Variants in DISC1 observed in about 807,000 individuals in gnomAD.
DISC1 encodes the protein disrupted in schizophrenia 1 protein.
In DISC1, 57 loss-of-function variants were observed where a neutral mutation model predicts 84.5. The observed-to-expected ratio is 0.67, with a 90% confidence interval of 0.55 to 0.84. The LOEUF is 0.84. Ranked by LOEUF, DISC1 falls within the 40% of genes least tolerant of loss-of-function variation. The pLI is 0.00. For missense variants in DISC1, 1,000 were observed against 1,057.8 expected (o/e 0.95, Z 0.76); for synonymous variants, 411 against 415.2 (o/e 0.99, Z 0.12).
intron 9 of DISC1, among the ~76,000 whole-genome samples, chr1:231,925,501 G>T (rs1273664214): frequency 6.6e-6 from 1 of 152,126 alleles, no homozygotes; most frequent in African/African-American, 2.4e-5. Flanking sequence ...GATGACCTCA[G>T]AGCTTCCCCT....
At chr1:231,794,846 T>C (rs115115172) in intron 6 of DISC1, among the ~76,000 whole-genome samples, 1,531 of 152,264 alleles carry the variant, frequency 0.01, 26 homozygotes, top group African/African-American at 0.034. Flanking sequence ...CTGAATTGCA[T>C]TGTCTACCCA....
intron 9 of DISC1, among the ~76,000 whole-genome samples, chr1:231,875,492 C>A (rs2085814550): frequency 6.6e-6 from 1 of 152,162 alleles, no homozygotes. Context: ...TATTGACCAC[C>A]CCTTGGGTAC....
chr1:232,008,861 C>T lies in DISC1; in HGVS notation c.2119C>T (p.Leu707Phe). ...ACRLLIQSLQ[L>F]QEARGSLSVE... ...TCGATTGCTTATCCAGAGCCTACAG[C>T]TCCAGGAAGCCAGGGGAAGCCTGTC... is the stretch of plus-strand genomic sequence containing the variant. Residue 707 changes from leucine to phenylalanine, a missense_variant, in exon 11 of 13, where the codon CTC becomes TTC. Around this residue, in one of 3 missense-constraint regions of DISC1, gnomAD observed 397 missense variants for 377.5 expected, o/e 1.05. Transcript: ENST00000439617. 1 of 1,613,358 alleles carries T rather than the reference C, an allele frequency of 6.2e-7. No homozygotes were observed.
chr1:231,714,908 G>C (rs943470277), intron 3 of DISC1, among the ~76,000 whole-genome samples: 3 of 152,190 alleles, frequency 2.0e-5, no homozygotes, highest in African/African-American at 7.2e-5. Context: ...CCATCTTCAA[G>C]GGGAGAAGAA....
intron 4 of DISC1, among the ~76,000 whole-genome samples, chr1:231,751,453 A>T (rs2074594838): frequency 6.6e-6 from 1 of 152,244 alleles, no homozygotes. Flanking sequence ...AATACACATA[A>T]CATAAAATTC....
At chr1:231,722,474 A>C in intron 3 of DISC1, 9 of 1,610,576 alleles carry the variant, frequency 5.6e-6, no homozygotes, top group Non-Finnish European at 7.6e-6. Context: ...AAATACTGTT[A>C]GTCCCAGTCA....
chr1:231,671,000 T>C (rs922965742), intron 1 of DISC1, among the ~76,000 whole-genome samples: 5 of 152,170 alleles, frequency 3.3e-5, no homozygotes, highest in Admixed American at 2.0e-4. Flanking sequence ...CCAAACTGTA[T>C]AGGGAGTGTT....
intron 1 of DISC1, among the ~76,000 whole-genome samples, chr1:231,661,006 T>TG (rs2061520541): frequency 6.6e-6 from 1 of 152,186 alleles, no homozygotes; most frequent in Admixed American, 6.5e-5. Flanking sequence ...TTATGAACCT[T>TG]AGTTTGGTCA....
intron 3 of DISC1, among the ~76,000 whole-genome samples, chr1:231,710,235 G>A (rs1305073497): frequency 4.6e-5 from 7 of 152,128 alleles, no homozygotes; most frequent in East Asian, 1.9e-4. Flanking sequence ...CCAGCTACTC[G>A]GAAGGTGGAG....
chr1:232,019,978 A>T (rs1416437400), intron 11 of DISC1, among the ~76,000 whole-genome samples: 1 of 152,160 alleles, frequency 6.6e-6, no homozygotes, highest in Admixed American at 6.5e-5. Flanking sequence ...AGAAGGGAAG[A>T]GAACACCATG....
intron 9 of DISC1, among the ~76,000 whole-genome samples, chr1:231,836,454 C>T (rs200611463): frequency 3.3e-5 from 5 of 152,194 alleles, no homozygotes; most frequent in Non-Finnish European, 7.3e-5. Flanking sequence ...TGCAATAGTT[C>T]CCTGCCCTTC....
chr1:231,873,722 A>G (rs543610014), intron 9 of DISC1, among the ~76,000 whole-genome samples: 1 of 152,210 alleles, frequency 6.6e-6, no homozygotes, highest in Admixed American at 6.5e-5. Context: ...TGCAAAACAC[A>G]TGGATCTTCA....
intron 9 of DISC1, among the ~76,000 whole-genome samples, chr1:231,889,115 A>G (rs1236476069): frequency 6.6e-6 from 1 of 152,168 alleles, no homozygotes; most frequent in Non-Finnish European, 1.5e-5. Flanking sequence ...TGTGGATTTC[A>G]GTAAGTAGAG....
intron 4 of DISC1, among the ~76,000 whole-genome samples, chr1:231,759,119 GA>G (rs2075401034): frequency 6.6e-6 from 1 of 152,190 alleles, no homozygotes; most frequent in African/African-American, 2.4e-5. Flanking sequence ...TGGGAACAGA[GA>G]AGATGAATGT....
In DISC1 at chr1:231,826,666, T is replaced by C. The variant is rs200381560; in HGVS notation, c.1981+8149T>C. On this transcript the variant is annotated intron_variant, in intron 9 of 12. Coordinates refer to ENST00000439617, the MANE Select transcript of DISC1 (RefSeq NM_018662.3). The surrounding 1 kb of genome is among the most constrained non-coding windows in gnomAD (Gnocchi z 4.2). Reference sequence around the variant, plus strand: ...CATACTACCATAAATCAGAGAGAAGTTGAACTATAGCAATTTAATTGGATA... The same window carrying C: ...CATACTACCATAAATCAGAGAGAAGCTGAACTATAGCAATTTAATTGGATA... 2.1e-4 allele frequency among the ~76,000 whole-genome samples: 32 copies of C among 152,230 alleles called. No individual in the cohort carries two copies. Among genetic ancestry groups the C allele is most frequent in the Non-Finnish European group, 3.2e-4 (22 of 68,038 alleles).
At chr1:231,737,687 TA>T (rs1435441999) in intron 3 of DISC1, among the ~76,000 whole-genome samples, 1 of 152,102 alleles carries the variant, frequency 6.6e-6, no homozygotes, top group African/African-American at 2.4e-5. Flanking sequence ...ATTAATATTT[TA>T]AAAAAACAAC....
chr1:232,011,759 A>G (rs986275958), intron 11 of DISC1, among the ~76,000 whole-genome samples: 2 of 152,198 alleles, frequency 1.3e-5, no homozygotes, highest in African/African-American at 4.8e-5. Context: ...TTTACTGTGT[A>G]TGACTTTATA....
chr1:231,982,329 C>G (rs550584734), intron 10 of DISC1, among the ~76,000 whole-genome samples: 49 of 152,236 alleles, frequency 3.2e-4, no homozygotes, highest in Admixed American at 7.8e-4. Flanking sequence ...CCCTCCCTCC[C>G]TCTCTGCCTT....
intron 7 of DISC1, among the ~76,000 whole-genome samples, chr1:231,798,591 C>T (rs781014328): frequency 4.3e-4 from 66 of 152,096 alleles, no homozygotes; most frequent in Admixed American, 9.2e-4. Context: ...TGGGATGTGC[C>T]AGTCATCTGG....
Sources: allele counts gnomAD v4.1 joint callset (sites outside exome capture counted in the v4.1 genomes callset), GRCh38; gene constraint gnomAD v4.1.1; regional missense constraint gnomAD v4.1.1; non-coding constraint Gnocchi (gnomAD v3.1); transcripts MANE v1.5; gene names NCBI Gene and HGNC (gene_info 2026-07-23, HGNC 2026-07-21).